FER: variants seen among roughly 807,000 people sequenced by gnomAD.
FER encodes the protein tyrosine-protein kinase Fer.
In FER, 63 loss-of-function variants were observed where a neutral mutation model predicts 111.0. That is an observed-to-expected ratio of 0.57 (90% CI 0.46 to 0.70). The LOEUF is 0.70. Among genes scored for constraint, FER ranks in the 30% least tolerant of loss-of-function variants. The pLI, the probability that FER is intolerant of heterozygous loss-of-function variation, is 0.00. For missense variants in FER, 914 were observed against 954.0 expected, an observed-to-expected ratio of 0.96 and a Z score of 0.55; for synonymous variants, 327 against 313.9, an observed-to-expected ratio of 1.04 and a Z score of -0.44.
intron 5 of FER, among the ~76,000 whole-genome samples, chr5:108,839,785 G>C (rs1486736147): frequency 1.3e-5 from 2 of 151,962 alleles, no homozygotes; most frequent in African/African-American, 4.8e-5. Flanking sequence ...CACTGTGTTA[G>C]CCAGGATGGT....
chr5:108,799,488 A>G (rs1756399385), intron 3 of FER, among the ~76,000 whole-genome samples: 1 of 152,214 alleles, frequency 6.6e-6, no homozygotes, highest in South Asian at 2.1e-4. Flanking sequence ...AGTAATGTTC[A>G]TATCTTTAAC....
intron 10 of FER, among the ~76,000 whole-genome samples, chr5:108,929,691 T>C (rs1754293809): frequency 6.6e-6 from 1 of 151,774 alleles, no homozygotes; most frequent in African/African-American, 2.4e-5. Flanking sequence ...ATGAAGGGAG[T>C]AGTAACAGAA....
intron 16 of FER, among the ~76,000 whole-genome samples, chr5:109,053,701 T>A (rs1274335328): frequency 6.8e-6 from 1 of 147,798 alleles, no homozygotes; most frequent in African/African-American, 2.6e-5. Flanking sequence ...ATTTTTTTTT[T>A]TTTTTTTTTG....
intron 17 of FER, among the ~76,000 whole-genome samples, chr5:109,136,305 AAAAAT>A (rs900900882): frequency 4.6e-5 from 7 of 152,002 alleles, no homozygotes; most frequent in African/African-American, 1.7e-4. Flanking sequence ...AATAAAAAAT[AAAAAT>A]AAAATAAAAA....
chr5:109,136,630 A>G lies in FER; in HGVS notation c.2048+36111A>G, dbSNP rs138689295. On this transcript the variant is annotated intron_variant, in intron 17 of 19. Coordinates refer to ENST00000281092, the MANE Select transcript of FER (RefSeq NM_005246.4). The stretch of plus-strand genomic sequence containing the variant: ...TTTCATTTGATCTTCACAGTAGCCT[A>G]GTGAGGTAATTATCACCATTTTATA... Among the ~76,000 whole-genome samples the G allele has an allele frequency of 4.3e-3, 657 of 152,306 alleles. 4 individuals are homozygous for G. Among genetic ancestry groups the G allele is most frequent in the Non-Finnish European group, 6.9e-3 (471 of 68,030 alleles).
chr5:108,857,850 C>T (rs982263796), intron 5 of FER, among the ~76,000 whole-genome samples: 1 of 152,108 alleles, frequency 6.6e-6, no homozygotes, highest in African/African-American at 2.4e-5. Context: ...CAGTGGGAGC[C>T]ACTTCAAACT....
chr5:108,941,203 C>T (rs1756221476), intron 10 of FER, among the ~76,000 whole-genome samples: 1 of 152,152 alleles, frequency 6.6e-6, no homozygotes, highest in Non-Finnish European at 1.5e-5. Flanking sequence ...TATTTGAAGG[C>T]TGTGGCAATT....
intron 19 of FER, 61 bp from the exon 20 acceptor site, chr5:109,187,372 T>C: frequency 6.4e-7 from 1 of 1,557,494 alleles, no homozygotes; most frequent in Non-Finnish European, 8.8e-7. Context: ...TAATGCCCTG[T>C]GTGAACATTT....
intron 17 of FER, among the ~76,000 whole-genome samples, chr5:109,106,256 TAGAA>T (rs1248710113): frequency 2.0e-5 from 3 of 152,232 alleles, no homozygotes; most frequent in Non-Finnish European, 4.4e-5. Flanking sequence ...AACATAATTT[TAGAA>T]AGACAAACCA....
chr5:109,068,651 C>T (rs1050837028), intron 16 of FER, among the ~76,000 whole-genome samples: 4 of 152,190 alleles, frequency 2.6e-5, no homozygotes, highest in African/African-American at 7.2e-5. Context: ...GCTCTACTAT[C>T]ATTTGTGTGA....
chr5:108,758,846 A>T (rs1751401243), intron 1 of FER, among the ~76,000 whole-genome samples: 1 of 152,218 alleles, frequency 6.6e-6, no homozygotes, highest in African/African-American at 2.4e-5. Context: ...ATGCTGGGTG[A>T]GCAAAACGCA....
At chr5:108,997,399 G>A (rs1764133915) in intron 13 of FER, among the ~76,000 whole-genome samples, 2 of 145,618 alleles carry the variant, frequency 1.4e-5, no homozygotes, top group Non-Finnish European at 3.0e-5. Context: ...CCTGGGTGGT[G>A]GAGCGAGACC....
At chr5:108,977,249 A>G (rs573853255) in intron 13 of FER, among the ~76,000 whole-genome samples, 18 of 152,308 alleles carry the variant, frequency 1.2e-4, no homozygotes, top group East Asian at 1.2e-3. Context: ...GGCACCATGT[A>G]TGGTCTGTTT....
intron 3 of FER, among the ~76,000 whole-genome samples, chr5:108,802,324 A>G (rs536406745): frequency 3.9e-5 from 6 of 152,148 alleles, no homozygotes; most frequent in Admixed American, 3.3e-4. Flanking sequence ...CTTTCAATAA[A>G]TAAAAATGAT....
At chr5:109,147,247 C>T (rs1367496169) in intron 17 of FER, among the ~76,000 whole-genome samples, 2 of 151,932 alleles carry the variant, frequency 1.3e-5, no homozygotes, top group African/African-American at 4.8e-5. Flanking sequence ...TACTTGTGTA[C>T]TGCAAATTGG....
At chr5:108,930,893 C>T (rs1004607566) in intron 10 of FER, among the ~76,000 whole-genome samples, 13 of 151,888 alleles carry the variant, frequency 8.6e-5, no homozygotes, top group African/African-American at 2.7e-4. Context: ...AGATCACACG[C>T]GTGAGCCAAC....
At chr5:108,860,939 A>G (rs1311435260) in intron 5 of FER, among the ~76,000 whole-genome samples, 1 of 152,140 alleles carries the variant, frequency 6.6e-6, no homozygotes, top group Non-Finnish European at 1.5e-5. Flanking sequence ...AAACCACCAG[A>G]TCTTCTGAGA....
At chr5:109,021,637 G>A (rs72790543) in intron 13 of FER, among the ~76,000 whole-genome samples, 28,207 of 151,882 alleles carry the variant, frequency 0.19, 2,780 homozygotes, top group Non-Finnish European at 0.22. Flanking sequence ...TAACATTACT[G>A]AAGCTTTAGG....
intron 13 of FER, among the ~76,000 whole-genome samples, chr5:108,981,846 T>C (rs1246360033): frequency 2.0e-5 from 3 of 152,150 alleles, no homozygotes; most frequent in African/African-American, 7.2e-5. Context: ...TTCAACATTA[T>C]GCCATGCTGC....
Sources: allele counts gnomAD v4.1 joint callset (sites outside exome capture counted in the v4.1 genomes callset), GRCh38; gene constraint gnomAD v4.1.1; transcripts MANE v1.5; gene names NCBI Gene and HGNC (gene_info 2026-07-23, HGNC 2026-07-21).